Variants in SPMIP2 observed in about 807,000 individuals in gnomAD.
The protein encoded by SPMIP2 is protein SPMIP2.
the SPMIP2 span, chr4:158,915,034 A>G: frequency 1.4e-6 from 1 of 723,520 alleles, no homozygotes; most frequent in Non-Finnish European, 2.2e-6. Context: ...TCCAGTATAA[A>G]TTACAAAATG....
the SPMIP2 span, among the ~76,000 whole-genome samples, chr4:158,982,574 C>G: frequency 6.6e-6 from 1 of 152,188 alleles, no homozygotes; most frequent in African/African-American, 2.4e-5. Context: ...GAAACTCACT[C>G]AAAACCGCAC....
At chr4:158,964,191 A>AC in the SPMIP2 span, among the ~76,000 whole-genome samples, 10 of 144,730 alleles carry the variant, frequency 6.9e-5, no homozygotes, top group African/African-American at 2.3e-4. Context: ...ACAAAACAAA[A>AC]AACATGTGGA....
the SPMIP2 span, among the ~76,000 whole-genome samples, chr4:159,003,002 A>G: frequency 6.6e-6 from 1 of 152,114 alleles, no homozygotes; most frequent in Non-Finnish European, 1.5e-5. Flanking sequence ...GTCATTTTCT[A>G]TGAAAGCACA....
chr4:158,915,169 C>G, the SPMIP2 span: 1 of 1,610,074 alleles, frequency 6.2e-7, no homozygotes, highest in Non-Finnish European at 8.5e-7. Context: ...AAACATCATA[C>G]CTTTTCCTTT....
the SPMIP2 span, among the ~76,000 whole-genome samples, chr4:159,042,165 T>A: frequency 3.3e-5 from 5 of 152,184 alleles, no homozygotes; most frequent in African/African-American, 1.2e-4. Context: ...ATCCTAATAT[T>A]TTCCTAGTTT....
the SPMIP2 span, among the ~76,000 whole-genome samples, chr4:159,062,697 GTCTCTCTC>G: frequency 1.1e-5 from 1 of 95,110 alleles, no homozygotes; most frequent in African/African-American, 3.6e-5. Context: ...TTGAAACAGG[GTCTCTCTC>G]TCTCTCTCTC....
chr4:159,012,524 C>T, the SPMIP2 span, among the ~76,000 whole-genome samples: 1 of 152,056 alleles, frequency 6.6e-6, no homozygotes. Flanking sequence ...GAAGGAGTGG[C>T]AGCATTTTTA....
the SPMIP2 span, among the ~76,000 whole-genome samples, chr4:159,010,168 A>C: frequency 6.6e-6 from 1 of 152,120 alleles, no homozygotes; most frequent in South Asian, 2.1e-4. Context: ...AAATCACATA[A>C]ATACAGCCCT....
chr4:158,940,188 G>GTGTCTTTACATGGTTCTCCCTC, the SPMIP2 span, among the ~76,000 whole-genome samples: 2 of 152,112 alleles, frequency 1.3e-5, no homozygotes, highest in African/African-American at 2.4e-5. Context: ...TCTTCTCCCT[G>GTGTCTTTACATGGTTCTCCCTC]TGTCTTTACA....
At chr4:159,013,284 A>G in the SPMIP2 span, among the ~76,000 whole-genome samples, 1 of 152,228 alleles carries the variant, frequency 6.6e-6, no homozygotes, top group African/African-American at 2.4e-5. Flanking sequence ...TTGTACACAC[A>G]TGTTAATAGC....
the SPMIP2 span, among the ~76,000 whole-genome samples, chr4:158,938,020 C>T: frequency 6.6e-6 from 1 of 152,192 alleles, no homozygotes; most frequent in African/African-American, 2.4e-5. Flanking sequence ...ACAATTCAAA[C>T]ATGAATTTAT....
At chr4:159,034,911 C>T in the SPMIP2 span, 1 of 730,612 alleles carries the variant, frequency 1.4e-6, no homozygotes, top group Non-Finnish European at 2.2e-6. Context: ...ACCCAAAAAA[C>T]AAACAAAAAC....
At chr4:158,994,190 T>C in the SPMIP2 span, among the ~76,000 whole-genome samples, 1 of 152,248 alleles carries the variant, frequency 6.6e-6, no homozygotes, top group Non-Finnish European at 1.5e-5. Context: ...CTGTTAATTC[T>C]TAATGGCCAG....
At chr4:158,989,588 C>A in the SPMIP2 span, among the ~76,000 whole-genome samples, 2 of 152,168 alleles carry the variant, frequency 1.3e-5, no homozygotes, top group Non-Finnish European at 2.9e-5. Flanking sequence ...ACACCTACAA[C>A]CATCTGATCT....
At chr4:158,968,402 A>G in the SPMIP2 span, among the ~76,000 whole-genome samples, 2 of 152,240 alleles carry the variant, frequency 1.3e-5, no homozygotes, top group Non-Finnish European at 2.9e-5. Flanking sequence ...CTAGGAGACA[A>G]TTGATGGAAC....
the SPMIP2 span, among the ~76,000 whole-genome samples, chr4:159,036,270 T>C: frequency 6.6e-6 from 1 of 152,224 alleles, no homozygotes; most frequent in Admixed American, 6.5e-5. Context: ...GATGTGCTAC[T>C]CAGGTAGGTT....
At chr4:159,041,415 T>C in the SPMIP2 span, among the ~76,000 whole-genome samples, 1 of 152,210 alleles carries the variant, frequency 6.6e-6, no homozygotes, top group African/African-American at 2.4e-5. Context: ...GCAATAATGG[T>C]CATATCTTAT....
At chr4:158,957,943 A>C in the SPMIP2 span, among the ~76,000 whole-genome samples, 1 of 152,170 alleles carries the variant, frequency 6.6e-6, no homozygotes, top group Non-Finnish European at 1.5e-5. Context: ...ATAAGCATGA[A>C]TTATATTTGT....
chr4:158,974,030 T>C, the SPMIP2 span, among the ~76,000 whole-genome samples: 1 of 146,938 alleles, frequency 6.8e-6, no homozygotes, highest in South Asian at 2.2e-4. Context: ...CTAAAATTTA[T>C]CCCATGCTAC....
Sources: gnomAD v4.1 joint callset for allele counts (sites outside exome capture counted in the v4.1 genomes callset) on GRCh38, gnomAD v4.1.1 for gene constraint, MANE v1.5 for transcripts, NCBI Gene and HGNC (gene_info 2026-07-23, HGNC 2026-07-21) for gene names.